B3GALT1: variants seen among roughly 807,000 people sequenced by gnomAD.
The protein encoded by B3GALT1 is UDP-Gal:betaGlcNAc beta 1,3-galactosyltransferase, polypeptide 1.
Under a neutral mutation model 23.2 loss-of-function variants are expected in B3GALT1, and 10 were observed. The ratio of observed to expected loss-of-function variants is 0.43; its 90% confidence interval spans 0.27 to 0.73. The LOEUF is 0.73. Among genes scored for constraint, B3GALT1 ranks in the 30% least tolerant of loss-of-function variants. The pLI, the probability that B3GALT1 is intolerant of heterozygous loss-of-function variation, is 0.21. For synonymous variants in B3GALT1, 156 were observed against 141.5 expected (o/e 1.10, Z -0.73); for missense variants, 299 against 405.4 (o/e 0.74, Z 2.25).
At chr2:167,496,950 A>G (rs1172143703) in intron 2 of B3GALT1, among the ~76,000 whole-genome samples, 1 of 152,186 alleles carries the variant, frequency 6.6e-6, no homozygotes, top group Non-Finnish European at 1.5e-5. Flanking sequence ...TCCTTGCGAT[A>G]GTTAAATGAT....
chr2:167,361,443 G>T (rs2617394), intron 1 of B3GALT1, among the ~76,000 whole-genome samples: 128,640 of 152,120 alleles, frequency 0.85, 55,103 homozygotes, highest in East Asian at 0.95. Context: ...AACAATCAGG[G>T]GATCCAGCAA....
intron 4 of B3GALT1, among the ~76,000 whole-genome samples, chr2:167,825,283 CAAAAAA>C (rs71963760): frequency 1.2e-5 from 1 of 82,240 alleles, no homozygotes; most frequent in Non-Finnish European, 2.4e-5. Flanking sequence ...GACTCCGTCT[CAAAAAA>C]AAAAAAAAAA....
In B3GALT1 at chr2:167,748,903, G is replaced by A. The variant is rs115679227; in HGVS notation, c.-351-69769G>A. 4.9e-3 allele frequency among the ~76,000 whole-genome samples: 742 copies of A among 152,188 alleles called. 5 individuals are homozygous for A. The highest frequency in any genetic ancestry group is 7.4e-3 in the Non-Finnish European group (505 of 68,006). ...GAGAATCATTCTTCCAGTCATTCAT[G>A]CCACACACATTTATTAAGCAACTAC... On this transcript the variant is annotated intron_variant, in intron 3 of 4. Coordinates refer to ENST00000392690, the MANE Select transcript of B3GALT1 (RefSeq NM_020981.4).
At chr2:167,758,691 C>T (rs1204007384) in intron 3 of B3GALT1, among the ~76,000 whole-genome samples, 1 of 152,056 alleles carries the variant, frequency 6.6e-6, no homozygotes, top group Non-Finnish European at 1.5e-5. Context: ...AATCTCTTGG[C>T]ATCAGTGACT....
At chr2:167,579,428 T>A (rs1684442438) in intron 2 of B3GALT1, among the ~76,000 whole-genome samples, 1 of 115,048 alleles carries the variant, frequency 8.7e-6, no homozygotes, top group African/African-American at 4.5e-5. Flanking sequence ...TTGTTTTTTT[T>A]TGTCTTTTTT....
intron 3 of B3GALT1, among the ~76,000 whole-genome samples, chr2:167,801,512 A>G (rs553746630): frequency 7.2e-5 from 11 of 152,306 alleles, no homozygotes; most frequent in African/African-American, 2.6e-4. Flanking sequence ...TGAAGGACCT[A>G]TATTGTCAAA....
At chr2:167,340,355 A>G (rs1037368735) in intron 1 of B3GALT1, among the ~76,000 whole-genome samples, 2 of 151,916 alleles carry the variant, frequency 1.3e-5, no homozygotes, top group East Asian at 1.9e-4. Context: ...TGGCAATGGA[A>G]CAAGGGTTGG....
intron 3 of B3GALT1, among the ~76,000 whole-genome samples, chr2:167,717,341 C>A (rs984632772): frequency 6.6e-6 from 1 of 151,416 alleles, no homozygotes; most frequent in Non-Finnish European, 1.5e-5. Flanking sequence ...GCACAATGTG[C>A]AGGTTTGTTA....
intron 3 of B3GALT1, among the ~76,000 whole-genome samples, chr2:167,688,489 A>G (rs1049271938): frequency 6.6e-6 from 1 of 152,192 alleles, no homozygotes; most frequent in African/African-American, 2.4e-5. Context: ...TGGAAATTTT[A>G]GAACTGAAAA....
chr2:167,510,285 A>T (rs896997003), intron 2 of B3GALT1, among the ~76,000 whole-genome samples: 1 of 152,040 alleles, frequency 6.6e-6, no homozygotes, highest in Non-Finnish European at 1.5e-5. Context: ...TATGTGATAC[A>T]TTGCTTGCAC....
intron 1 of B3GALT1, among the ~76,000 whole-genome samples, chr2:167,408,067 C>G (rs942124722): frequency 9.3e-6 from 1 of 107,700 alleles, no homozygotes; most frequent in African/African-American, 3.9e-5. Flanking sequence ...CACACACACA[C>G]ACACAGACAC....
chr2:167,684,329 T>C (rs1686582020), intron 3 of B3GALT1, among the ~76,000 whole-genome samples: 1 of 152,252 alleles, frequency 6.6e-6, no homozygotes, highest in Non-Finnish European at 1.5e-5. Flanking sequence ...TTTTCCCATG[T>C]TCCTGTTTTC....
At chr2:167,346,865 A>T (rs2105252132) in intron 1 of B3GALT1, among the ~76,000 whole-genome samples, 1 of 152,174 alleles carries the variant, frequency 6.6e-6, no homozygotes, top group Non-Finnish European at 1.5e-5. Context: ...AGGGGAAAAA[A>T]CAATTTTCTA....
intron 1 of B3GALT1, among the ~76,000 whole-genome samples, chr2:167,356,175 G>A (rs1697400068): frequency 1.3e-5 from 2 of 152,132 alleles, no homozygotes; most frequent in South Asian, 4.1e-4. Flanking sequence ...TAGGTGGTAG[G>A]TTGATACTTC....
chr2:167,788,156 T>C (rs1688373555), intron 3 of B3GALT1, among the ~76,000 whole-genome samples: 1 of 151,320 alleles, frequency 6.6e-6, no homozygotes, highest in East Asian at 2.0e-4. Context: ...AGCTGGGAAA[T>C]AGAGTTTCTT....
chr2:167,814,920 A>T (rs1044769807), intron 3 of B3GALT1: 1 of 152,216 alleles, frequency 6.6e-6, no homozygotes, highest in Non-Finnish European at 1.5e-5. Context: ...TTTTTGTGTT[A>T]TAAACGTATG....
intron 2 of B3GALT1, among the ~76,000 whole-genome samples, chr2:167,557,089 C>G (rs1683866289): frequency 6.6e-6 from 1 of 151,804 alleles, no homozygotes; most frequent in Admixed American, 6.6e-5. Context: ...TAATATACTG[C>G]CTTTTACAGA....
At chr2:167,734,294 T>C (rs1240592369) in intron 3 of B3GALT1, among the ~76,000 whole-genome samples, 1 of 152,054 alleles carries the variant, frequency 6.6e-6, no homozygotes, top group African/African-American at 2.4e-5. Flanking sequence ...AGCCAGGATG[T>C]ACAGGGGAAA....
At chr2:167,379,968 G>T (rs1315714307) in intron 1 of B3GALT1, among the ~76,000 whole-genome samples, 1 of 152,224 alleles carries the variant, frequency 6.6e-6, no homozygotes, top group Non-Finnish European at 1.5e-5. Flanking sequence ...CTCTGCTTAG[G>T]AAGAGTGTGG....
Sources: gnomAD v4.1 joint callset for allele counts (sites outside exome capture counted in the v4.1 genomes callset) on GRCh38, gnomAD v4.1.1 for gene constraint, MANE v1.5 for transcripts, NCBI Gene and HGNC (gene_info 2026-07-23, HGNC 2026-07-21) for gene names.